DLG2: variants seen among roughly 807,000 people sequenced by gnomAD.
DLG2 encodes the protein discs large MAGUK scaffold protein 2.
DLG2 carries 45 observed loss-of-function variants against 132.5 expected under a neutral mutation model. That is an observed-to-expected ratio of 0.34 (90% CI 0.27 to 0.44). The LOEUF (loss-of-function observed/expected upper bound fraction) is 0.44. DLG2 is among the 20% of genes least tolerant of loss of function. The pLI is 1.00. For synonymous variants in DLG2, 424 were observed against 419.6 expected (o/e 1.01, Z -0.13); for missense variants, 1,045 against 1,196.9 (o/e 0.87, Z 1.87).
At chr11:85,603,569 T>C (rs771382433) in intron 2 of DLG2, among the ~76,000 whole-genome samples, 50 of 152,226 alleles carry the variant, frequency 3.3e-4, no homozygotes, top group Non-Finnish European at 6.6e-4. Context: ...GCCTTTTTTT[T>C]TAAGCTTCTG....
chr11:84,014,405 T>C (rs1017705153), intron 11 of DLG2, among the ~76,000 whole-genome samples: 4 of 152,162 alleles, frequency 2.6e-5, no homozygotes, highest in Non-Finnish European at 5.9e-5. Context: ...CAAAAAATGG[T>C]TGAGACCCAT....
At chr11:84,252,940 C>G (rs952831491) in intron 7 of DLG2, among the ~76,000 whole-genome samples, 2 of 152,172 alleles carry the variant, frequency 1.3e-5, no homozygotes, top group Non-Finnish European at 2.9e-5. Context: ...TAATGTCAAT[C>G]TATTCTGTGG....
rs77082426 is a variant in DLG2, at chr11:84,532,117, A to G, written c.519+2453T>C. Among the ~76,000 whole-genome samples the G allele has an allele frequency of 2.4e-4, 25 of 104,590 alleles. 1 individual carries two copies. Among genetic ancestry groups the G allele is most frequent in the South Asian group, 1.0e-3 (3 of 2,864 alleles). The allele number at this position is 104,590 out of a possible 152,430, so 68.6% of individuals were successfully genotyped here. A position where few individuals can be genotyped will look rare whatever the true frequency, so the allele number is the denominator to read the frequency against. On this transcript the variant is annotated intron_variant, in intron 7 of 27. Transcript: ENST00000376104. Reference sequence around the variant, plus strand: ...CCATGGTGCTTTCATTGTTCTGTTCATTTTTTTTTTTTTTTTTTTTTTTTA... The same window carrying G: ...CCATGGTGCTTTCATTGTTCTGTTCGTTTTTTTTTTTTTTTTTTTTTTTTA...
chr11:83,780,213 T>C (rs2094757701), intron 18 of DLG2, among the ~76,000 whole-genome samples: 1 of 152,228 alleles, frequency 6.6e-6, no homozygotes, highest in Admixed American at 6.5e-5. Flanking sequence ...TGTACTTTCA[T>C]TTCTGAGAAC....
intron 6 of DLG2, among the ~76,000 whole-genome samples, chr11:84,882,025 T>C (rs1329805799): frequency 6.6e-6 from 1 of 152,156 alleles, no homozygotes; most frequent in Admixed American, 6.6e-5. Flanking sequence ...GTTCTCAGAT[T>C]TGAGTTTTGC....
intron 3 of DLG2, among the ~76,000 whole-genome samples, chr11:85,567,772 C>T (rs1324420367): frequency 6.6e-6 from 1 of 152,004 alleles, no homozygotes; most frequent in Non-Finnish European, 1.5e-5. Flanking sequence ...TTTGCAGATT[C>T]CCTTTTGCAG....
intron 9 of DLG2, among the ~76,000 whole-genome samples, chr11:84,112,569 G>A (rs1285224310): frequency 1.3e-5 from 2 of 150,624 alleles, no homozygotes; most frequent in Non-Finnish European, 3.0e-5. Context: ...TTTTTCTGGC[G>A]GTGTGCACTT....
At chr11:84,711,009 G>GATATATATATATAT (rs367922564) in intron 6 of DLG2, among the ~76,000 whole-genome samples, 1 of 89,094 alleles carries the variant, frequency 1.1e-5, no homozygotes, top group African/African-American at 4.8e-5. Flanking sequence ...TATATATATA[G>GATATATATATATAT]ATATATATAT....
intron 6 of DLG2, among the ~76,000 whole-genome samples, chr11:84,762,543 GT>G (rs950292164): frequency 6.6e-6 from 1 of 152,170 alleles, no homozygotes; most frequent in African/African-American, 2.4e-5. Flanking sequence ...AGTTAATATA[GT>G]TTTTTGCTTT....
intron 3 of DLG2, among the ~76,000 whole-genome samples, chr11:85,451,627 C>T (rs1314522142): frequency 6.6e-6 from 1 of 152,126 alleles, no homozygotes; most frequent in Non-Finnish European, 1.5e-5. Context: ...GTAAAAATAC[C>T]TAACTCAGAA....
intron 8 of DLG2, among the ~76,000 whole-genome samples, chr11:84,220,808 G>C (rs563547204): frequency 9.2e-6 from 1 of 108,288 alleles, no homozygotes; most frequent in Non-Finnish European, 1.8e-5. Flanking sequence ...TTTTGACAGG[G>C]TCTAGCTCTG....
At chr11:83,779,664 C>T (rs551754425) in intron 18 of DLG2, among the ~76,000 whole-genome samples, 5 of 152,104 alleles carry the variant, frequency 3.3e-5, no homozygotes, top group South Asian at 2.1e-4. Context: ...AAATATTAAA[C>T]GGCTTTCCTA....
chr11:84,383,225 T>C (rs185882395), intron 7 of DLG2, among the ~76,000 whole-genome samples: 7 of 152,152 alleles, frequency 4.6e-5, no homozygotes, highest in Non-Finnish European at 1.0e-4. Context: ...TATCTACTCA[T>C]AAATATCATG....
chr11:84,827,651 A>G (rs1381899266), intron 6 of DLG2, among the ~76,000 whole-genome samples: 1 of 131,770 alleles, frequency 7.6e-6, no homozygotes, highest in Non-Finnish European at 1.6e-5. Flanking sequence ...ACATGATAAT[A>G]AGGCTGGAAC....
At chr11:84,059,555 A>C in intron 10 of DLG2, 71 bp from the exon 11 acceptor site, 1 of 1,189,376 alleles carries the variant, frequency 8.4e-7, no homozygotes, top group Non-Finnish European at 1.1e-6. Context: ...TATTATGTTT[A>C]TCTGACCTTA....
intron 16 of DLG2, among the ~76,000 whole-genome samples, chr11:83,845,590 A>T (rs1459200338): frequency 6.6e-6 from 1 of 152,172 alleles, no homozygotes; most frequent in Non-Finnish European, 1.5e-5. Context: ...ATAAGGGGGG[A>T]TCTATGCATT....
intron 15 of DLG2, among the ~76,000 whole-genome samples, chr11:83,920,489 C>T (rs2625521): frequency 0.62 from 93,895 of 151,890 alleles, 29,485 homozygotes; most frequent in East Asian, 0.9. Flanking sequence ...TCTCCCTTCA[C>T]AATTCACTGG....
At chr11:83,821,321 G>A (rs1184454488) in intron 17 of DLG2, among the ~76,000 whole-genome samples, 5 of 152,202 alleles carry the variant, frequency 3.3e-5, no homozygotes, top group African/African-American at 4.8e-5. Context: ...GCTGTTGAGA[G>A]CGGTCATTGC....
intron 11 of DLG2, among the ~76,000 whole-genome samples, chr11:84,020,996 T>C (rs753920133): frequency 2.4e-4 from 37 of 152,122 alleles, no homozygotes; most frequent in Non-Finnish European, 4.7e-4. Context: ...CTTGGGCAGA[T>C]TGATGTCCCA....
Sources: allele counts gnomAD v4.1 joint callset (sites outside exome capture counted in the v4.1 genomes callset), GRCh38; gene constraint gnomAD v4.1.1; transcripts MANE v1.5; gene names NCBI Gene and HGNC (gene_info 2026-07-23, HGNC 2026-07-21).